The following CIT variants were observed in gnomAD, a reference collection of about 807,000 sequenced individuals.
CIT encodes citron Rho-interacting kinase.
A neutral mutation model predicts 272.7 loss-of-function variants in CIT; 79 were observed. That is an observed-to-expected ratio of 0.29 (90% CI 0.24 to 0.35). The LOEUF (loss-of-function observed/expected upper bound fraction) is 0.35. CIT is among the 10% of genes least tolerant of loss of function. CIT has a pLI of 1.00. For missense variants in CIT, 1,909 were observed against 2,618.3 expected, an observed-to-expected ratio of 0.73 and a Z score of 5.91; for synonymous variants, 948 against 995.6, an observed-to-expected ratio of 0.95 and a Z score of 0.90.
In CIT at chr12:119,713,070, G is replaced by A. The variant is rs972724310; in HGVS notation, c.4579+133C>T. The A allele has an allele frequency of 5.6e-6, 4 of 717,590 alleles. No homozygotes were observed. Among genetic ancestry groups the A allele is most frequent in the South Asian group, 1.7e-5 (1 of 57,498 alleles). 44.5% of individuals were successfully genotyped at this position (717,590 alleles called of 1,614,324 possible). ...CCAATAACCTTTAGAGAAGTCATTTGGTTTGTAAGTTTCAAAAATGGAAAA... is the reference window on the plus strand; with the variant it reads ...CCAATAACCTTTAGAGAAGTCATTTAGTTTGTAAGTTTCAAAAATGGAAAA... On this transcript the variant is annotated intron_variant, in intron 35 of 47. Transcript: ENST00000392521. This position sits in a 1 kb window ranked among gnomAD's most constrained non-coding sequence, Gnocchi z 5.2.
At chr12:119,761,765 G>C (rs1478767839) in intron 19 of CIT, among the ~76,000 whole-genome samples, 1 of 152,190 alleles carries the variant, frequency 6.6e-6, no homozygotes, top group Non-Finnish European at 1.5e-5. Context: ...GGGGAAGAGA[G>C]ATCATGTGTT....
At chr12:119,702,132 T>A (rs1307353854) in intron 41 of CIT, among the ~76,000 whole-genome samples, 174 bp from the exon 42 acceptor site, 2 of 151,178 alleles carry the variant, frequency 1.3e-5, no homozygotes, top group South Asian at 2.1e-4. Flanking sequence ...GGAGACAAGA[T>A]CTCGCTCTGT....
intron 9 of CIT, among the ~76,000 whole-genome samples, chr12:119,808,520 C>T (rs1566074372): frequency 6.7e-6 from 1 of 150,212 alleles, no homozygotes; most frequent in Non-Finnish European, 1.5e-5. Context: ...GAAGAACTAG[C>T]ATATTAAAAA....
chr12:119,834,233 A>G lies in CIT; in HGVS notation c.517-5T>C, dbSNP rs763132450. 1.9e-6 allele frequency: 3 copies of G among 1,584,558 alleles called. No homozygotes were observed. The highest frequency in any genetic ancestry group is 2.6e-6 in the Non-Finnish European group (3 of 1,168,984). ...TCCAGGCTGATATTCCATGACCTGT[A>G]TAGAATGCCAAAGTTATTAATTCTT... is the stretch of plus-strand genomic sequence containing the variant. On this transcript the variant is annotated splice_region_variant and splice_polypyrimidine_tract_variant and intron_variant, in intron 5 of 47. Transcript: ENST00000392521.
chr12:119,849,794 T>C (rs1468289104), intron 5 of CIT, among the ~76,000 whole-genome samples: 1 of 151,952 alleles, frequency 6.6e-6, no homozygotes, highest in African/African-American at 2.4e-5. Flanking sequence ...CAAGCGATTG[T>C]CCTGCCTTAG....
chr12:119,789,871 A>G (rs1965154143), intron 10 of CIT, among the ~76,000 whole-genome samples: 1 of 150,804 alleles, frequency 6.6e-6, no homozygotes, highest in Admixed American at 6.6e-5. Flanking sequence ...ACGCCCAGCA[A>G]ATTTTTTTTT....
At chr12:119,754,249 T>C (rs971947408) in intron 22 of CIT, among the ~76,000 whole-genome samples, 2 of 152,316 alleles carry the variant, frequency 1.3e-5, no homozygotes, top group African/African-American at 4.8e-5. Flanking sequence ...TAAAAATCTT[T>C]TTAAAAGGCA....
chr12:119,784,737 C>T lies in CIT; in HGVS notation c.1401+223G>A. 1 of 1,390,074 alleles carries T rather than the reference C, an allele frequency of 7.2e-7. No individual in the cohort carries two copies. Among genetic ancestry groups the T allele is most frequent in the Non-Finnish European group, 9.3e-7 (1 of 1,075,428 alleles). 86.1% of individuals were successfully genotyped at this position (1,390,074 alleles called of 1,614,324 possible). The stretch of plus-strand genomic sequence containing the variant: ...TGCTGAGAAACGGACTGTTTAAATC[C>T]AGGGCCTCCTCTGGTTTAGATTTAA... On this transcript the variant is annotated intron_variant, in intron 11 of 47. Coordinates refer to ENST00000392521, the MANE Select transcript of CIT (RefSeq NM_001206999.2). This position sits in a 1 kb window ranked among gnomAD's most constrained non-coding sequence, Gnocchi z 4.7.
In CIT at chr12:119,718,095, C is replaced by T; in HGVS notation, c.4168+150G>A. On this transcript the variant is annotated intron_variant, in intron 32 of 47. Transcript: ENST00000392521. The surrounding 1 kb of genome is among the most constrained non-coding windows in gnomAD (Gnocchi z 4.8). ...CTTCAGGTGATCCGCCCACCTCGGC[C>T]TCCCAAAGTGCTGGGGTTACAGGTG... is the stretch of plus-strand genomic sequence containing the variant. 1 of 865,506 alleles carries T rather than the reference C, an allele frequency of 1.2e-6. No homozygotes were observed. Among genetic ancestry groups the T allele is most frequent in the Non-Finnish European group, 1.7e-6 (1 of 589,790 alleles). 53.6% of individuals were successfully genotyped at this position (865,506 alleles called of 1,614,324 possible).
At chr12:119,786,619 T>C (rs1964817074) in intron 10 of CIT, among the ~76,000 whole-genome samples, 1 of 152,244 alleles carries the variant, frequency 6.6e-6, no homozygotes, top group Non-Finnish European at 1.5e-5. Context: ...ACTCAGATCT[T>C]ACCAGCAGGT....
Position 119,718,362 on chromosome 12 carries a change from T to A in CIT, c.4051A>T (p.Thr1351Ser), listed in dbSNP as rs769333312. The change falls in exon 32 of 48, where the codon ACC becomes TCC. Residue 1351 changes from threonine to serine, a missense_variant. This residue lies in a region of CIT where 780 missense variants were observed against 1,067.2 expected (regional missense o/e 0.73). Coordinates refer to ENST00000392521, the MANE Select transcript of CIT (RefSeq NM_001206999.2). This position sits in a 1 kb window ranked among gnomAD's most constrained non-coding sequence, Gnocchi z 4.8. Reference sequence around the variant, plus strand: ...GACATGGCGATCTGCTGCCTCGCGGTGGCTGGCGTGGATGGGTGTGGGTGG... The same window carrying A: ...GACATGGCGATCTGCTGCCTCGCGGAGGCTGGCGTGGATGGGTGTGGGTGG... ...TDHPHPSTPATARQQIAMSAI... is the reference protein window; with the variant it reads ...TDHPHPSTPASARQQIAMSAI... 90 of 1,613,752 alleles carry A rather than the reference T, an allele frequency of 5.6e-5. 1 individual carries two copies. Among genetic ancestry groups the A allele is most frequent in the Non-Finnish European group, 7.3e-5 (86 of 1,179,930 alleles).
intron 46 of CIT, among the ~76,000 whole-genome samples, chr12:119,692,012 T>C (rs1367378139): frequency 6.6e-6 from 1 of 152,256 alleles, no homozygotes; most frequent in Non-Finnish European, 1.5e-5. Context: ...AATTACATGC[T>C]GATTCCAAAA....
At chr12:119,700,881 C>CT in intron 43 of CIT, 56 bp from the exon 44 acceptor site, 1 of 1,377,422 alleles carries the variant, frequency 7.3e-7, no homozygotes, top group Non-Finnish European at 1.0e-6. Context: ...GGGGCATCAG[C>CT]GACACACATG....
At chr12:119,781,279 A>G (rs1256290041) in intron 13 of CIT, among the ~76,000 whole-genome samples, 1 of 152,234 alleles carries the variant, frequency 6.6e-6, no homozygotes, top group African/African-American at 2.4e-5. Context: ...TAATGTTTTT[A>G]TCAAGCAACA....
intron 21 of CIT, 43 bp downstream of exon 21, chr12:119,758,548 C>A: frequency 1.5e-6 from 2 of 1,295,818 alleles, no homozygotes; most frequent in Non-Finnish European, 2.2e-6. Flanking sequence ...GGAGAGGAGA[C>A]CAAAGTGTAA....
rs1960585868 is a variant in CIT, at chr12:119,753,811, C to G, written c.2707-1564G>C. 3.3e-5 allele frequency among the ~76,000 whole-genome samples: 5 copies of G among 152,050 alleles called. No individual in the cohort carries two copies. The South Asian group carries it at 6.2e-4, about 19-fold the overall frequency. On this transcript the variant is annotated intron_variant, in intron 22 of 47. Coordinates refer to ENST00000392521, the MANE Select transcript of CIT (RefSeq NM_001206999.2). ...GGTGAATTACACAAATAGACCATTG[C>G]TATGACAGAATAGGAGAGAAAGGGC...
intron 9 of CIT, among the ~76,000 whole-genome samples, chr12:119,810,665 T>G (rs1566076778): frequency 7.0e-6 from 1 of 143,750 alleles, no homozygotes; most frequent in South Asian, 2.2e-4. Flanking sequence ...ATGGTGGCAC[T>G]GCCTCCAGCC....
At chr12:119,845,509 C>T (rs1455131734) in intron 5 of CIT, among the ~76,000 whole-genome samples, 1 of 151,564 alleles carries the variant, frequency 6.6e-6, no homozygotes, top group Non-Finnish European at 1.5e-5. Flanking sequence ...AAAAATTTGC[C>T]GGACATGGTG....
At chr12:119,853,243 A>C (rs1257852215) in intron 4 of CIT, among the ~76,000 whole-genome samples, 1 of 151,378 alleles carries the variant, frequency 6.6e-6, no homozygotes, top group African/African-American at 2.4e-5. Context: ...AGGCAGGAGA[A>C]TTGTTTGAAG....
Sources: allele counts gnomAD v4.1 joint callset (sites outside exome capture counted in the v4.1 genomes callset), GRCh38; gene constraint gnomAD v4.1.1; regional missense constraint gnomAD v4.1.1; non-coding constraint Gnocchi (gnomAD v3.1); transcripts MANE v1.5; gene names NCBI Gene and HGNC (gene_info 2026-07-23, HGNC 2026-07-21).